Variants in CUX1 observed in about 807,000 individuals in gnomAD.
CUX1 encodes the protein protein CASP.
CUX1 carries 31 observed loss-of-function variants against 158.8 expected under a neutral mutation model. The observed-to-expected ratio is 0.20, with a 90% CI of 0.15 to 0.26. The LOEUF (loss-of-function observed/expected upper bound fraction) is 0.26, where lower values mean the gene tolerates loss of function less well. CUX1 is among the 10% of genes least tolerant of loss of function. CUX1 has a pLI of 1.00. For missense variants in CUX1, 1,589 were observed against 2,014.6 expected, an observed-to-expected ratio of 0.79 and a Z score of 4.04; for synonymous variants, 879 against 862.1, an observed-to-expected ratio of 1.02 and a Z score of -0.34.
In CUX1 at chr7:101,869,801, C is replaced by A. The variant is rs1584822584; in HGVS notation, c.31-46314C>A. Among the ~76,000 whole-genome samples the A allele has an allele frequency of 6.6e-6, 1 of 152,144 alleles. No homozygotes were observed. The highest frequency in any genetic ancestry group is 2.4e-5 in the African/African-American group (1 of 41,420). ...CTCTGGCATTTCCCAGGAATGTAAACCCCGGTTTCAGCTTTCCCCGTGGCT... is the reference window on the plus strand; with the variant it reads ...CTCTGGCATTTCCCAGGAATGTAAAACCCGGTTTCAGCTTTCCCCGTGGCT... On this transcript the variant is annotated intron_variant, in intron 1 of 23. Transcript: ENST00000292535. This position sits in a 1 kb window ranked among gnomAD's most constrained non-coding sequence, Gnocchi z 4.5.
At chr7:102,132,138 A>G (rs1833313519) in intron 8 of CUX1, among the ~76,000 whole-genome samples, 2 of 141,418 alleles carry the variant, frequency 1.4e-5, no homozygotes. Context: ...GTGGAGATGG[A>G]TGGGCGGGTG....
Position 102,253,005 on chromosome 7 carries a change from C to T in CUX1, c.*3963C>T, listed in dbSNP as rs1801679409. ...ATCGTGGCTCACAGGGACCCACCAT[C>T]AAAACCTGCTACTTTGTGCAAGTAA... On this transcript the variant is annotated 3_prime_UTR_variant, in exon 24 of 24. Coordinates refer to ENST00000292535, the MANE Select transcript of CUX1 (RefSeq NM_181552.4). 5 of 985,314 alleles carry T rather than the reference C, an allele frequency of 5.1e-6. No individual in the cohort carries two copies. In the African/African-American group the frequency reaches 7.0e-5, roughly 14 times the overall value. 61.0% of individuals were successfully genotyped at this position (985,314 alleles called of 1,614,324 possible).
At chr7:101,837,822 C>A (rs554473385) in intron 1 of CUX1, among the ~76,000 whole-genome samples, 9 of 94,864 alleles carry the variant, frequency 9.5e-5, no homozygotes, top group Admixed American at 2.8e-4. Context: ...CAGAACGAGA[C>A]CCTGTCAAAA....
chr7:101,860,802 CT>C (rs1797377917), intron 1 of CUX1, among the ~76,000 whole-genome samples: 1 of 124,166 alleles, frequency 8.1e-6, no homozygotes, highest in Admixed American at 1.0e-4. Flanking sequence ...CCCCTCTCTT[CT>C]TCTCTCTTTC....
intron 2 of CUX1, among the ~76,000 whole-genome samples, chr7:101,941,694 G>A (rs1291961963): frequency 6.6e-6 from 1 of 152,156 alleles, no homozygotes; most frequent in African/African-American, 2.4e-5. Flanking sequence ...CGTCTGCCTC[G>A]TTTCAGGCTG....
intron 16 of CUX1, among the ~76,000 whole-genome samples, chr7:102,199,283 A>C (rs1795135851): frequency 6.6e-6 from 1 of 152,186 alleles, no homozygotes; most frequent in African/African-American, 2.4e-5. Flanking sequence ...TATGGAACGG[A>C]CGCATCCCAC....
chr7:101,851,453 C>T (rs1437452988), intron 1 of CUX1, among the ~76,000 whole-genome samples: 1 of 152,106 alleles, frequency 6.6e-6, no homozygotes, highest in Non-Finnish European at 1.5e-5. Context: ...TTTGTTCTTC[C>T]TGGTTAACCT....
At chr7:102,223,995 C>T (rs183222070) in intron 20 of CUX1, among the ~76,000 whole-genome samples, 281 of 152,222 alleles carry the variant, frequency 1.8e-3, no homozygotes, top group Non-Finnish European at 2.8e-3. Context: ...ATGACTTTCT[C>T]CCCAACATGA....
chr7:102,047,434 T>G (rs1023107643), intron 3 of CUX1, among the ~76,000 whole-genome samples: 3 of 149,728 alleles, frequency 2.0e-5, no homozygotes, highest in Non-Finnish European at 4.5e-5. Flanking sequence ...GCTGGATGAT[T>G]GGATAAAGGG....
chr7:101,965,321 G>A (rs1811041971), intron 2 of CUX1, among the ~76,000 whole-genome samples: 1 of 152,116 alleles, frequency 6.6e-6, no homozygotes, highest in Non-Finnish European at 1.5e-5. Context: ...GCAAAGCAGT[G>A]GGTATCACAG....
chr7:102,167,443 CA>C (rs1320029657), intron 9 of CUX1, among the ~76,000 whole-genome samples: 1 of 152,186 alleles, frequency 6.6e-6, no homozygotes, highest in Non-Finnish European at 1.5e-5. Context: ...ACCTTGTAAC[CA>C]GATGCCCGGG....
intron 4 of CUX1, among the ~76,000 whole-genome samples, chr7:102,092,085 C>T (rs1828641086): frequency 6.6e-6 from 1 of 152,334 alleles, no homozygotes; most frequent in Non-Finnish European, 1.5e-5. Flanking sequence ...AAAAGAATTG[C>T]ATCCAAAATC....
chr7:101,996,599 C>T (rs1815929487), intron 2 of CUX1, among the ~76,000 whole-genome samples: 1 of 151,798 alleles, frequency 6.6e-6, no homozygotes, highest in South Asian at 2.1e-4. Context: ...AATGCAAAAC[C>T]TTAATTATGC....
chr7:102,210,175 C>CA (rs1298525600), intron 20 of CUX1, among the ~76,000 whole-genome samples: 2 of 152,146 alleles, frequency 1.3e-5, no homozygotes, highest in East Asian at 3.8e-4. Context: ...CGACTCACTG[C>CA]AACCTACACC....
chr7:102,261,075 C>T (rs915448379), downstream of CUX1, among the ~76,000 whole-genome samples: 1 of 152,252 alleles, frequency 6.6e-6, no homozygotes, highest in Non-Finnish European at 1.5e-5. Flanking sequence ...GCTTAGCAAC[C>T]GACTCATGCA....
chr7:102,088,001 C>CTTT (rs147066918), intron 4 of CUX1, among the ~76,000 whole-genome samples: 2 of 143,854 alleles, frequency 1.4e-5, no homozygotes, highest in African/African-American at 5.1e-5. Context: ...TAATCTCACC[C>CTTT]TTTTTTTTTT....
chr7:101,943,345 G>A (rs1025112199), intron 2 of CUX1, among the ~76,000 whole-genome samples: 1 of 151,960 alleles, frequency 6.6e-6, no homozygotes, highest in Non-Finnish European at 1.5e-5. Context: ...GAGCTCAAGT[G>A]ATCCACCCGC....
intron 2 of CUX1, among the ~76,000 whole-genome samples, chr7:102,025,181 A>G (rs1819839178): frequency 6.6e-6 from 1 of 152,214 alleles, no homozygotes; most frequent in African/African-American, 2.4e-5. Context: ...ATCCAGGGTC[A>G]TCTCCTGACT....
At chr7:102,127,922 A>C (rs1832822505) in intron 8 of CUX1, among the ~76,000 whole-genome samples, 2 of 152,158 alleles carry the variant, frequency 1.3e-5, no homozygotes, top group South Asian at 2.1e-4. Flanking sequence ...ATCTCGGCTC[A>C]CTGCAACCTC....
Sources: allele counts gnomAD v4.1 joint callset (sites outside exome capture counted in the v4.1 genomes callset), GRCh38; gene constraint gnomAD v4.1.1; non-coding constraint Gnocchi (gnomAD v3.1); transcripts MANE v1.5; gene names NCBI Gene and HGNC (gene_info 2026-07-23, HGNC 2026-07-21).